The following KIRREL3 variants were observed in gnomAD, a reference collection of about 807,000 sequenced individuals.
The protein encoded by KIRREL3 is kirre like nephrin family adhesion molecule 3.
In KIRREL3, 36 loss-of-function variants were observed where a neutral mutation model predicts 89.7. The observed-to-expected ratio is 0.40, with a 90% CI of 0.31 to 0.53. KIRREL3 has a LOEUF of 0.53. Ranked by LOEUF, KIRREL3 falls within the 20% of genes least tolerant of loss-of-function variation. KIRREL3 has a pLI of 0.49. For synonymous variants in KIRREL3, 445 were observed against 441.4 expected, an observed-to-expected ratio of 1.01 and a Z score of -0.10; for missense variants, 864 against 1,056.6, an observed-to-expected ratio of 0.82 and a Z score of 2.53.
intron 1 of KIRREL3, among the ~76,000 whole-genome samples, chr11:126,914,301 A>G (rs1443609253): frequency 6.6e-6 from 1 of 152,244 alleles, no homozygotes; most frequent in African/African-American, 2.4e-5. Flanking sequence ...TGGGATTCTA[A>G]CATAGAAGTA....
At position 126,456,057 on chromosome 11, in the gene KIRREL3, T is replaced by TTC. The variant is rs147218473; in HGVS notation, c.848+291_848+292insGA. On this transcript the variant is annotated intron_variant, in intron 7 of 16. Transcript: ENST00000525144. ...TGTTTTCGTTTTTTTTTTTTTTTTT[T>TTC]CCTGAGCCTTTTCCCCATGTTTGGA... Among the ~76,000 whole-genome samples, 20 of 109,802 alleles carry TTC rather than the reference T, an allele frequency of 1.8e-4. 1 individual carries two copies. The highest frequency in any genetic ancestry group is 8.4e-4 in the East Asian group (3 of 3,590). The allele number at this position is 109,802 out of a possible 152,430, so 72.0% of individuals were successfully genotyped here.
intron 1 of KIRREL3, among the ~76,000 whole-genome samples, chr11:126,816,405 A>G (rs771447341): frequency 7.2e-5 from 11 of 152,216 alleles, no homozygotes; most frequent in Admixed American, 1.3e-4. Flanking sequence ...TGACAAGCCA[A>G]TAGTATGATA....
At position 126,558,546 on chromosome 11, in the gene KIRREL3, C is replaced by T. The variant is rs759334719; in HGVS notation, c.133+4289G>A. 2.6e-5 allele frequency among the ~76,000 whole-genome samples: 4 copies of T among 152,154 alleles called. No homozygotes were observed. Among genetic ancestry groups the T allele is most frequent in the Non-Finnish European group, 4.4e-5 (3 of 68,032 alleles). ...TCTTCCAGCCACTTCATATGGGCCC[C>T]GGGCAAGTTGCTGCATGCTCTTGGG... On this transcript the variant is annotated intron_variant, in intron 2 of 16. Coordinates refer to ENST00000525144, the MANE Select transcript of KIRREL3 (RefSeq NM_032531.4). This position sits in a 1 kb window ranked among gnomAD's most constrained non-coding sequence, Gnocchi z 4.0.
At chr11:126,728,230 C>G (rs985761576) in intron 1 of KIRREL3, among the ~76,000 whole-genome samples, 4 of 152,098 alleles carry the variant, frequency 2.6e-5, no homozygotes, top group African/African-American at 9.7e-5. Flanking sequence ...CTCTAAATAG[C>G]TCTGTAGTCT....
chr11:126,559,062 A>G (rs565559486), intron 2 of KIRREL3, among the ~76,000 whole-genome samples: 1 of 152,208 alleles, frequency 6.6e-6, no homozygotes, highest in African/African-American at 2.4e-5. Flanking sequence ...TGGTACAGAA[A>G]GAAGGGAAAC....
chr11:126,650,123 C>T (rs991757946), intron 1 of KIRREL3, among the ~76,000 whole-genome samples: 1 of 152,206 alleles, frequency 6.6e-6, no homozygotes, highest in Non-Finnish European at 1.5e-5. Flanking sequence ...TGCAGGGCAC[C>T]AAGTCCCTAG....
chr11:126,486,002 A>G lies in KIRREL3; in HGVS notation c.434-12536T>C, dbSNP rs1443753491. 6.6e-6 allele frequency among the ~76,000 whole-genome samples: 1 copy of G among 152,198 alleles called. No individual in the cohort carries two copies. The highest frequency in any genetic ancestry group is 2.4e-5 in the African/African-American group (1 of 41,442). ...TTCGCTCCTTAAATTAGGAAGGGTG[A>G]ATGTCCTGTTTATATTTGGTTAAAC... is the stretch of plus-strand genomic sequence containing the variant. On this transcript the variant is annotated intron_variant, in intron 4 of 16. Transcript: ENST00000525144. The surrounding 1 kb of genome is among the most constrained non-coding windows in gnomAD (Gnocchi z 6.2).
rs111674868 is a variant in KIRREL3, at chr11:126,580,592, C to G, written c.56-17680G>C. On this transcript the variant is annotated intron_variant, in intron 1 of 16. Transcript: ENST00000525144. Reference sequence around the variant, plus strand: ...TGGAATTTCTTCTCCTGTGATGGAGCCTCTAGTTCGCCCTGGCCCAGCCCC... The same window carrying G: ...TGGAATTTCTTCTCCTGTGATGGAGGCTCTAGTTCGCCCTGGCCCAGCCCC... Among the ~76,000 whole-genome samples the G allele has an allele frequency of 6.4e-4, 98 of 152,292 alleles. 1 individual carries two copies. Among genetic ancestry groups the G allele is most frequent in the African/African-American group, 2.2e-3 (90 of 41,562 alleles).
rs1940898082 is a variant in KIRREL3, at chr11:126,571,137, G to T, written c.56-8225C>A. 1.3e-5 allele frequency among the ~76,000 whole-genome samples: 2 copies of T among 152,080 alleles called. No homozygotes were observed. The highest frequency in any genetic ancestry group is 4.8e-5 in the African/African-American group (2 of 41,390). On this transcript the variant is annotated intron_variant, in intron 1 of 16. Coordinates refer to ENST00000525144, the MANE Select transcript of KIRREL3 (RefSeq NM_032531.4). The surrounding 1 kb of genome is among the most constrained non-coding windows in gnomAD (Gnocchi z 7.7). ...TCTGTCTCCATTCTCTGTGAGATTCGACTCCCAACCAATTCGGAGTCTCAG... is the reference window on the plus strand; with the variant it reads ...TCTGTCTCCATTCTCTGTGAGATTCTACTCCCAACCAATTCGGAGTCTCAG...
intron 1 of KIRREL3, among the ~76,000 whole-genome samples, chr11:126,649,474 G>T (rs1944824718): frequency 6.6e-6 from 1 of 152,318 alleles, no homozygotes; most frequent in Non-Finnish European, 1.5e-5. Flanking sequence ...TACAGGTATT[G>T]GGTAAATACA....
intron 1 of KIRREL3, among the ~76,000 whole-genome samples, chr11:126,962,499 A>T (rs971877037): frequency 4.6e-5 from 7 of 152,192 alleles, no homozygotes; most frequent in Non-Finnish European, 8.8e-5. Flanking sequence ...ATTTTAGTGG[A>T]TGAGGAGTTG....
rs376552095 is a variant in KIRREL3, at chr11:126,923,695, C to T, written c.55+76760G>A. The stretch of plus-strand genomic sequence containing the variant: ...TTGAGCTCAGGCAATCCACCCACCT[C>T]GGCCTCCCAAAGTGCTAGGATTACA... On this transcript the variant is annotated intron_variant, in intron 1 of 16. Transcript: ENST00000525144. 2.2e-4 allele frequency among the ~76,000 whole-genome samples: 33 copies of T among 152,178 alleles called. No individual in the cohort carries two copies. The South Asian group carries it at 4.8e-3, about 22-fold the overall frequency.
In KIRREL3 at chr11:126,996,342, T is replaced by A. The variant is rs1019900139; in HGVS notation, c.55+4113A>T. On this transcript the variant is annotated intron_variant, in intron 1 of 16. Transcript: ENST00000525144. The surrounding 1 kb of genome is among the most constrained non-coding windows in gnomAD (Gnocchi z 4.7). Reference sequence around the variant, plus strand: ...TGACATTTCTGAGTGAGTGTAAGTGTTTCCAAAGTTGCTGTTCACTCCCCA... The same window carrying A: ...TGACATTTCTGAGTGAGTGTAAGTGATTCCAAAGTTGCTGTTCACTCCCCA... Among the ~76,000 whole-genome samples the A allele has an allele frequency of 6.6e-6, 1 of 152,210 alleles. No homozygotes were observed. The highest frequency in any genetic ancestry group is 2.4e-5 in the African/African-American group (1 of 41,454).
chr11:126,625,049 G>C (rs1266550544), intron 1 of KIRREL3, among the ~76,000 whole-genome samples: 1 of 152,174 alleles, frequency 6.6e-6, no homozygotes, highest in Admixed American at 6.5e-5. Flanking sequence ...AGGGAACAGG[G>C]TGGGTTTTCT....
chr11:126,512,013 G>T (rs531476763), intron 4 of KIRREL3, among the ~76,000 whole-genome samples: 1 of 152,316 alleles, frequency 6.6e-6, no homozygotes, highest in African/African-American at 2.4e-5. Context: ...TGGGACAGGG[G>T]TAAACACACA....
intron 1 of KIRREL3, among the ~76,000 whole-genome samples, chr11:126,923,382 T>G (rs1159563275): frequency 3.5e-3 from 1 of 282 alleles, no homozygotes; most frequent in Non-Finnish European, 9.3e-3. Flanking sequence ...TCTTCCTTCT[T>G]CTTCTTCCTC....
In KIRREL3 at chr11:126,898,424, T is replaced by A. The variant is rs1327065237; in HGVS notation, c.55+102031A>T. 2.6e-5 allele frequency among the ~76,000 whole-genome samples: 4 copies of A among 152,198 alleles called. No individual in the cohort carries two copies. The highest frequency in any genetic ancestry group is 3.9e-4 in the East Asian group (2 of 5,182). On this transcript the variant is annotated intron_variant, in intron 1 of 16. Coordinates refer to ENST00000525144, the MANE Select transcript of KIRREL3 (RefSeq NM_032531.4). The surrounding 1 kb of genome is among the most constrained non-coding windows in gnomAD (Gnocchi z 4.9). ...AGTAAGTATTGTGTGGTGGTATGAA[T>A]GCTGGATTCTCACACAGTGGGAAAT... is the stretch of plus-strand genomic sequence containing the variant.
rs1202710102 is a variant in KIRREL3, at chr11:126,528,574, A to C, written c.134-1887T>G. On this transcript the variant is annotated intron_variant, in intron 2 of 16. Transcript: ENST00000525144. This position sits in a 1 kb window ranked among gnomAD's most constrained non-coding sequence, Gnocchi z 4.6. ...TTGAATTGTGGGAGTAACACTTTTT[A>C]TTCTGATTTGAGCTTTACAAATTAG... 6.6e-6 allele frequency among the ~76,000 whole-genome samples: 1 copy of C among 152,122 alleles called. No homozygotes were observed. Among genetic ancestry groups the C allele is most frequent in the Non-Finnish European group, 1.5e-5 (1 of 68,014 alleles).
At chr11:126,590,267 C>A (rs1942073484) in intron 1 of KIRREL3, among the ~76,000 whole-genome samples, 1 of 99,618 alleles carries the variant, frequency 1.0e-5, no homozygotes. Context: ...TCAAGCAAAG[C>A]CTAGAAGAAG....
Sources: allele counts gnomAD v4.1 joint callset (sites outside exome capture counted in the v4.1 genomes callset), GRCh38; gene constraint gnomAD v4.1.1; non-coding constraint Gnocchi (gnomAD v3.1); transcripts MANE v1.5; gene names NCBI Gene and HGNC (gene_info 2026-07-23, HGNC 2026-07-21).